The following CUL1 variants were observed in gnomAD, a reference collection of about 807,000 sequenced individuals.
CUL1 encodes the protein cullin-1.
Under a neutral mutation model 118.0 loss-of-function variants are expected in CUL1, and 24 were observed. That is an observed-to-expected ratio of 0.20 (90% CI 0.15 to 0.29). The LOEUF (loss-of-function observed/expected upper bound fraction) is 0.29. Ranked by LOEUF, CUL1 falls within the 10% of genes least tolerant of loss-of-function variation. The pLI is 1.00. For missense variants in CUL1, 361 were observed against 933.8 expected (o/e 0.39, Z 7.99); for synonymous variants, 332 against 340.4 (o/e 0.98, Z 0.27).
intron 2 of CUL1, among the ~76,000 whole-genome samples, chr7:148,738,653 A>G (rs773403281): frequency 2.0e-5 from 3 of 152,216 alleles, no homozygotes; most frequent in Non-Finnish European, 4.4e-5. Flanking sequence ...GTTAGAGTCT[A>G]TGGCTGCCTT....
rs34514728 is a variant in CUL1, at chr7:148,737,572, T to TATA, written c.140+7310_140+7311insATA. On this transcript the variant is annotated intron_variant, in intron 2 of 21. Transcript: ENST00000325222. ...TGTGTGTGTGTGTATATATATATAT[T>TATA]TTTATATTTATTTATTTATTTATTT... Among the ~76,000 whole-genome samples the TATA allele has an allele frequency of 1.5e-4, 20 of 129,540 alleles. 1 individual carries two copies. Among genetic ancestry groups the TATA allele is most frequent in the South Asian group, 8.5e-4 (4 of 4,712 alleles). 85.0% of individuals were successfully genotyped at this position (129,540 alleles called of 152,430 possible).
chr7:148,772,409 C>T (rs368980926), intron 9 of CUL1, among the ~76,000 whole-genome samples: 6 of 118,018 alleles, frequency 5.1e-5, no homozygotes, highest in East Asian at 4.6e-4. Context: ...AGAGAGACTC[C>T]GTCTCAAAAA....
At chr7:148,783,917 C>A (rs1800736864) in intron 10 of CUL1, 27 bp downstream of exon 10, 1 of 1,613,454 alleles carries the variant, frequency 6.2e-7, no homozygotes, top group African/African-American at 1.3e-5. Flanking sequence ...TGTGACTTGC[C>A]TGTAGTATGT....
upstream of CUL1, chr7:148,698,142 G>C (rs904556109): frequency 6.6e-6 from 1 of 152,260 alleles, no homozygotes; most frequent in Non-Finnish European, 1.5e-5. Context: ...AGGCCTTGCA[G>C]GTGGTAAGGG....
intron 1 of CUL1, among the ~76,000 whole-genome samples, chr7:148,703,869 AG>A (rs578044926): frequency 3.9e-5 from 6 of 152,242 alleles, no homozygotes; most frequent in Admixed American, 2.0e-4. Context: ...CTGTCATTTT[AG>A]GGGGGTAAGC....
intron 2 of CUL1, among the ~76,000 whole-genome samples, chr7:148,731,272 C>T (rs1798755491): frequency 6.6e-6 from 1 of 152,128 alleles, no homozygotes; most frequent in Admixed American, 6.5e-5. Flanking sequence ...GCCACTGTTT[C>T]TAGGACTTTA....
chr7:148,708,727 A>G (rs1211113632), intron 1 of CUL1, among the ~76,000 whole-genome samples: 5 of 152,202 alleles, frequency 3.3e-5, no homozygotes, highest in Admixed American at 2.0e-4. Context: ...CTCTGCTGCA[A>G]TTTTCACTTG....
At chr7:148,730,712 A>T (rs1798734016) in intron 2 of CUL1, among the ~76,000 whole-genome samples, 1 of 152,234 alleles carries the variant, frequency 6.6e-6, no homozygotes, top group South Asian at 2.1e-4. Context: ...AGTTTTGTCC[A>T]TGAAGCCTAA....
intron 2 of CUL1, among the ~76,000 whole-genome samples, chr7:148,730,950 C>T (rs1418372820): frequency 2.6e-5 from 4 of 152,116 alleles, no homozygotes; most frequent in Non-Finnish European, 4.4e-5. Flanking sequence ...TAGCTGGGAC[C>T]ACAGACACGT....
intron 17 of CUL1, among the ~76,000 whole-genome samples, chr7:148,796,111 G>T (rs1801190048): frequency 6.6e-6 from 1 of 152,172 alleles, no homozygotes; most frequent in African/African-American, 2.4e-5. Flanking sequence ...AAGAGTGATG[G>T]TGTTAGCTGT....
intron 3 of CUL1, among the ~76,000 whole-genome samples, chr7:148,755,030 G>GGT (rs1799612484): frequency 6.6e-6 from 1 of 152,166 alleles, no homozygotes; most frequent in South Asian, 2.1e-4. Flanking sequence ...TGGGATTACA[G>GGT]GTGTGAGCCA....
At chr7:148,778,749 C>A (rs1470715277) in intron 9 of CUL1, among the ~76,000 whole-genome samples, 1 of 152,194 alleles carries the variant, frequency 6.6e-6, no homozygotes. Flanking sequence ...GATCTGCTCT[C>A]TTTAGCCCCT....
At chr7:148,755,174 G>T (rs1456355101) in intron 3 of CUL1, among the ~76,000 whole-genome samples, 1 of 152,142 alleles carries the variant, frequency 6.6e-6, no homozygotes, top group Non-Finnish European at 1.5e-5. Flanking sequence ...GGGCAGTGTG[G>T]TGGAGTCTTT....
At chr7:148,783,933 T>C (rs765804325) in intron 10 of CUL1, 38 bp from the exon 11 acceptor site, 9 of 1,613,424 alleles carry the variant, frequency 5.6e-6, no homozygotes, top group Non-Finnish European at 7.6e-6. Context: ...TATGTATGGA[T>C]GGGGCGTTTG....
Position 148,787,515 on chromosome 7 carries a change from G to T in CUL1, c.1479+395G>T, listed in dbSNP as rs1170124469. On this transcript the variant is annotated intron_variant, in intron 13 of 21. Transcript: ENST00000325222. This position sits in a 1 kb window ranked among gnomAD's most constrained non-coding sequence, Gnocchi z 5.5. ...TCCAGGTTATGAGGCAGGCAGAGGAGTTTGTGCAGTGGTTTGTACAAGAAG... is the reference window on the plus strand; with the variant it reads ...TCCAGGTTATGAGGCAGGCAGAGGATTTTGTGCAGTGGTTTGTACAAGAAG... 6.6e-6 allele frequency among the ~76,000 whole-genome samples: 1 copy of T among 152,138 alleles called. No homozygotes were observed. The highest frequency in any genetic ancestry group is 1.5e-5 in the Non-Finnish European group (1 of 68,008).
intron 2 of CUL1, among the ~76,000 whole-genome samples, chr7:148,736,325 G>A (rs1228319436): frequency 3.3e-5 from 5 of 152,172 alleles, no homozygotes; most frequent in Non-Finnish European, 7.3e-5. Flanking sequence ...TTGAGATAGA[G>A]TCTTGCCCTT....
At chr7:148,792,676 C>T (rs764477224) in intron 16 of CUL1, 50 bp from the exon 17 acceptor site, 1 of 1,347,200 alleles carries the variant, frequency 7.4e-7, no homozygotes, top group Non-Finnish European at 1.0e-6. Context: ...GGAGGTGTTT[C>T]CATGCATGTA....
intron 11 of CUL1, among the ~76,000 whole-genome samples, chr7:148,784,624 TC>T (rs1400942776): frequency 6.6e-6 from 1 of 152,208 alleles, no homozygotes; most frequent in Non-Finnish European, 1.5e-5. Context: ...AGCTTCTCTT[TC>T]ACTTTAAGTT....
chr7:148,744,399 T>A (rs1403073650), intron 2 of CUL1, among the ~76,000 whole-genome samples: 2 of 25,770 alleles, frequency 7.8e-5, no homozygotes, highest in East Asian at 2.6e-3. Context: ...GTTTCTGCAG[T>A]GTGTGTGTGT....
Sources: allele counts gnomAD v4.1 joint callset (sites outside exome capture counted in the v4.1 genomes callset), GRCh38; gene constraint gnomAD v4.1.1; non-coding constraint Gnocchi (gnomAD v3.1); transcripts MANE v1.5; gene names NCBI Gene and HGNC (gene_info 2026-07-23, HGNC 2026-07-21).